The following GALNT7 variants were observed in gnomAD, a reference collection of about 807,000 sequenced individuals.
The protein encoded by GALNT7 is N-acetylgalactosaminyltransferase 7.
GALNT7 carries 60 observed loss-of-function variants against 82.1 expected under a neutral mutation model. The observed-to-expected ratio is 0.73, with a 90% CI of 0.59 to 0.91. The LOEUF (loss-of-function observed/expected upper bound fraction) is 0.91, where lower values mean the gene tolerates loss of function less well. GALNT7 is among the 40% of genes least tolerant of loss of function. The pLI, the probability that GALNT7 is intolerant of heterozygous loss-of-function variation, is 0.00. For synonymous variants in GALNT7, 243 were observed against 275.1 expected (o/e 0.88, Z 1.15); for missense variants, 660 against 804.2 (o/e 0.82, Z 2.17).
chr4:173,187,865 G>A (rs1732506186), intron 1 of GALNT7, among the ~76,000 whole-genome samples: 1 of 152,146 alleles, frequency 6.6e-6, no homozygotes, highest in African/African-American at 2.4e-5. Flanking sequence ...ATGCAACTCA[G>A]CCACTCCAGG....
chr4:173,184,616 C>CAGGGAG (rs761213529), intron 1 of GALNT7, among the ~76,000 whole-genome samples: 1 of 99,824 alleles, frequency 1.0e-5, no homozygotes, highest in African/African-American at 4.1e-5. Context: ...AGAGGGAGAC[C>CAGGGAG]AGGGAGAGGG....
intron 1 of GALNT7, among the ~76,000 whole-genome samples, chr4:173,195,565 G>A (rs1732749930): frequency 6.6e-6 from 1 of 152,136 alleles, no homozygotes; most frequent in Admixed American, 6.5e-5. Context: ...TAATACCTGA[G>A]TATAACCCCA....
At chr4:173,178,850 A>T (rs1259817662) in intron 1 of GALNT7, among the ~76,000 whole-genome samples, 3 of 152,256 alleles carry the variant, frequency 2.0e-5, no homozygotes, top group Admixed American at 2.0e-4. Context: ...TACAAAGAAT[A>T]TTTTAAACTG....
At chr4:173,259,108 CT>C (rs941781015) in intron 2 of GALNT7, among the ~76,000 whole-genome samples, 1 of 152,194 alleles carries the variant, frequency 6.6e-6, no homozygotes, top group African/African-American at 2.4e-5. Flanking sequence ...CACATGCCCC[CT>C]GGGGGGCAAA....
chr4:173,262,183 T>C (rs1735296813), intron 2 of GALNT7, among the ~76,000 whole-genome samples: 1 of 152,140 alleles, frequency 6.6e-6, no homozygotes, highest in Non-Finnish European at 1.5e-5. Context: ...GGGAGCATTT[T>C]AATAGCTTTT....
At chr4:173,295,724 T>C (rs1736697344) in intron 4 of GALNT7, 40 bp from the exon 5 acceptor site, 1 of 1,272,474 alleles carries the variant, frequency 7.9e-7, no homozygotes, top group Admixed American at 1.7e-5. Context: ...TGATGTAACG[T>C]ATATGAGGAG....
chr4:173,240,406 G>A (rs1418998137), intron 1 of GALNT7, among the ~76,000 whole-genome samples: 1 of 88,764 alleles, frequency 1.1e-5, no homozygotes. Flanking sequence ...CTTCGCTTTT[G>A]TGCCCAGGCT....
chr4:173,248,023 A>G lies in GALNT7; in HGVS notation c.170A>G (p.Asn57Ser). The change falls in exon 2 of 12, where the codon AAT becomes AGT. Residue 57 changes from asparagine to serine, a missense_variant. Asn to Ser is a conservative substitution (Grantham distance 46). Transcript: ENST00000265000. The stretch of plus-strand genomic sequence containing the variant: ...GACCCCATGCCCAACCGAGGCGGCA[A>G]TGGACTAGCTCCTGGGGAGGACAGA... ...VNDPMPNRGG[N>S]GLAPGEDRFK... 1.2e-6 allele frequency: 2 copies of G among 1,613,662 alleles called. No homozygotes were observed. The highest frequency in any genetic ancestry group is 8.5e-7 in the Non-Finnish European group (1 of 1,179,700).
At chr4:173,213,912 A>G (rs1733360220) in intron 1 of GALNT7, among the ~76,000 whole-genome samples, 1 of 152,218 alleles carries the variant, frequency 6.6e-6, no homozygotes, top group Non-Finnish European at 1.5e-5. Context: ...AGGATTCCTT[A>G]TAATTTTTTT....
At chr4:173,297,825 C>T (rs921512546) in intron 5 of GALNT7, 33 of 1,466,036 alleles carry the variant, frequency 2.3e-5, no homozygotes, top group Admixed American at 2.8e-5. Flanking sequence ...TAATAGATTA[C>T]ATAGATGGGA....
At chr4:173,182,925 T>TACACACACAGAC (rs1554020050) in intron 1 of GALNT7, among the ~76,000 whole-genome samples, 141 of 134,294 alleles carry the variant, frequency 1.0e-3, no homozygotes, top group African/African-American at 3.6e-3. Flanking sequence ...TTACTCATAA[T>TACACACACAGAC]ACACACACAC....
At chr4:173,293,715 A>G (rs749821028) in intron 3 of GALNT7, among the ~76,000 whole-genome samples, 9 of 151,712 alleles carry the variant, frequency 5.9e-5, no homozygotes, top group African/African-American at 9.7e-5. Flanking sequence ...GCAAACCCAC[A>G]CTCTCAGTGG....
intron 2 of GALNT7, among the ~76,000 whole-genome samples, chr4:173,291,656 G>A (rs932024205): frequency 6.6e-6 from 1 of 152,040 alleles, no homozygotes; most frequent in African/African-American, 2.4e-5. Context: ...ATATCTTTCT[G>A]AATATTTTAG....
chr4:173,285,349 T>A (rs529700985), intron 2 of GALNT7, among the ~76,000 whole-genome samples: 1 of 152,378 alleles, frequency 6.6e-6, no homozygotes, highest in South Asian at 2.1e-4. Flanking sequence ...TAAAGTCTGA[T>A]TCCTTTCAGC....
intron 2 of GALNT7, among the ~76,000 whole-genome samples, chr4:173,274,637 G>T (rs1735836909): frequency 6.6e-6 from 1 of 152,032 alleles, no homozygotes. Context: ...ATTTCACAGG[G>T]TTACTGTGAA....
At chr4:173,319,166 T>C (rs1177667211) in intron 11 of GALNT7, among the ~76,000 whole-genome samples, 1 of 152,258 alleles carries the variant, frequency 6.6e-6, no homozygotes, top group South Asian at 2.1e-4. Flanking sequence ...CTGTGGCAAG[T>C]TGAGGATTAC....
intron 9 of GALNT7, among the ~76,000 whole-genome samples, chr4:173,314,453 C>T (rs1737517421): frequency 1.3e-5 from 2 of 152,156 alleles, no homozygotes; most frequent in African/African-American, 4.8e-5. Flanking sequence ...ACTCCAACTC[C>T]CTTCCTTAAC....
intron 1 of GALNT7, among the ~76,000 whole-genome samples, chr4:173,234,544 C>G (rs1285005715): frequency 6.6e-6 from 1 of 152,208 alleles, no homozygotes; most frequent in African/African-American, 2.4e-5. Context: ...ATACCTCCCT[C>G]TCCTTCATCA....
chr4:173,312,658 T>A (rs1000484973), intron 8 of GALNT7, among the ~76,000 whole-genome samples: 10 of 152,264 alleles, frequency 6.6e-5, no homozygotes, highest in Admixed American at 2.0e-4. Flanking sequence ...TGGTCACATA[T>A]ATTCATGCAA....
Sources: gnomAD v4.1 joint callset for allele counts (sites outside exome capture counted in the v4.1 genomes callset) on GRCh38, gnomAD v4.1.1 for gene constraint, MANE v1.5 for transcripts, NCBI Gene and HGNC (gene_info 2026-07-23, HGNC 2026-07-21) for gene names.